Variants in CUX2 observed in about 807,000 individuals in gnomAD.
CUX2 encodes the protein cut like homeobox 2.
In CUX2, 40 loss-of-function variants were observed where a neutral mutation model predicts 144.8. The observed-to-expected ratio is 0.28, with a 90% CI of 0.21 to 0.36. The LOEUF is 0.36. Ranked by LOEUF, CUX2 falls within the 10% of genes least tolerant of loss-of-function variation. The pLI, the probability that CUX2 is intolerant of heterozygous loss-of-function variation, is 1.00. For missense variants in CUX2, 1,615 were observed against 1,994.0 expected, an observed-to-expected ratio of 0.81 and a Z score of 3.62; for synonymous variants, 827 against 875.6, an observed-to-expected ratio of 0.94 and a Z score of 0.98.
chr12:111,070,721 G>A (rs1871225180), intron 1 of CUX2, among the ~76,000 whole-genome samples: 1 of 152,014 alleles, frequency 6.6e-6, no homozygotes, highest in East Asian at 1.9e-4. Flanking sequence ...TCATACCTAG[G>A]ATTTTTGCTG....
At chr12:111,126,158 G>A (rs1875065557) in intron 1 of CUX2, among the ~76,000 whole-genome samples, 1 of 151,458 alleles carries the variant, frequency 6.6e-6, no homozygotes, top group Non-Finnish European at 1.5e-5. Context: ...GCCCAGGCTG[G>A]AGTGCGGGGA....
intron 3 of CUX2, among the ~76,000 whole-genome samples, chr12:111,261,703 C>G (rs1884136381): frequency 6.6e-6 from 1 of 152,056 alleles, no homozygotes; most frequent in Non-Finnish European, 1.5e-5. Context: ...GAGTTCGAGA[C>G]CAGCCTGGCC....
At chr12:111,147,599 A>G (rs993487286) in intron 1 of CUX2, among the ~76,000 whole-genome samples, 6 of 152,154 alleles carry the variant, frequency 3.9e-5, no homozygotes, top group East Asian at 1.9e-4. Flanking sequence ...GGGCCCCCAG[A>G]TTGCTCGATT....
chr12:111,241,079 A>G lies in CUX2; in HGVS notation c.223-22682A>G, dbSNP rs1285971315. Among the ~76,000 whole-genome samples, 4 of 152,128 alleles carry G rather than the reference A, an allele frequency of 2.6e-5. No homozygotes were observed. In the East Asian group the frequency reaches 7.7e-4, roughly 29 times the overall value. ...CTTGGCTCACCGTTCTGATGGCTGC[A>G]AAGTTCAAGTTTGGGAAGCCGCATC... On this transcript the variant is annotated intron_variant, in intron 3 of 21. Coordinates refer to ENST00000261726, the MANE Select transcript of CUX2 (RefSeq NM_015267.4).
chr12:111,301,172 A>C (rs1886274717), intron 9 of CUX2, among the ~76,000 whole-genome samples: 1 of 152,224 alleles, frequency 6.6e-6, no homozygotes, highest in African/African-American at 2.4e-5. Context: ...TCAGTGTATT[A>C]GGTTTTTAAT....
chr12:111,292,008 A>G (rs897853227), intron 5 of CUX2, among the ~76,000 whole-genome samples: 7 of 152,078 alleles, frequency 4.6e-5, no homozygotes, highest in Non-Finnish European at 2.9e-5. Flanking sequence ...GGCGCCCTCC[A>G]CAGTAGGGAG....
In CUX2 at chr12:111,034,182, C is replaced by T; in HGVS notation, c.5C>T (p.Ala2Val). Residue 2 changes from alanine to valine, a missense_variant, in exon 1 of 22, where the codon GCC becomes GTC. Ala to Val is a moderately conservative substitution (Grantham distance 64). Coordinates refer to ENST00000261726, the MANE Select transcript of CUX2 (RefSeq NM_015267.4). This position sits in a 1 kb window ranked among gnomAD's most constrained non-coding sequence, Gnocchi z 4.2. ...CGCGTCTCGATAGCCCCCAAGATGG[C>T]CGCCAATGTGGGATCGATGTTTCAA... M[A>V]ANVGSMFQYW... The T allele has an allele frequency of 2.1e-6, 3 of 1,401,048 alleles. No homozygotes were observed. Among genetic ancestry groups the T allele is most frequent in the East Asian group, 3.9e-5 (1 of 25,508 alleles). 86.8% of individuals were successfully genotyped at this position (1,401,048 alleles called of 1,614,324 possible). A position where few individuals can be genotyped will look rare whatever the true frequency, so the allele number is the denominator to read the frequency against.
chr12:111,077,405 A>C lies in CUX2; in HGVS notation c.63+43165A>C, dbSNP rs1299764551. 6.6e-6 allele frequency among the ~76,000 whole-genome samples: 1 copy of C among 151,742 alleles called. No individual in the cohort carries two copies. Among genetic ancestry groups the C allele is most frequent in the East Asian group, 1.9e-4 (1 of 5,140 alleles). ...TGGCGCGGCCATGCCATCGACCTGA[A>C]CCCCCTGGACTTCTGCCCCCCTGGA... On this transcript the variant is annotated intron_variant, in intron 1 of 21. Transcript: ENST00000261726. This position sits in a 1 kb window ranked among gnomAD's most constrained non-coding sequence, Gnocchi z 4.1.
chr12:111,168,179 G>A (rs1461233845), intron 1 of CUX2, among the ~76,000 whole-genome samples: 2 of 152,120 alleles, frequency 1.3e-5, no homozygotes, highest in Non-Finnish European at 2.9e-5. Flanking sequence ...CCCATTTCCT[G>A]AGGCCTCATC....
chr12:111,099,319 A>C, intron 1 of CUX2: 1 of 339,820 alleles, frequency 2.9e-6, no homozygotes, highest in South Asian at 2.4e-5. Flanking sequence ...AGGGTGTGGC[A>C]AGAGCTGAGG....
intron 1 of CUX2, among the ~76,000 whole-genome samples, chr12:111,199,697 G>A (rs941583719): frequency 2.0e-5 from 3 of 152,100 alleles, no homozygotes; most frequent in African/African-American, 7.2e-5. Flanking sequence ...GTGCATCTGT[G>A]TATGTGTGTG....
In CUX2 at chr12:111,334,463, C is replaced by T; in HGVS notation, c.2949C>T (p.Ser983=). 6.2e-7 allele frequency: 1 copy of T among 1,605,742 alleles called. No homozygotes were observed. The highest frequency in any genetic ancestry group is 8.5e-7 in the Non-Finnish European group (1 of 1,175,638). Residue 983 remains serine (S), a synonymous_variant, in exon 19 of 22, where the codon TCC becomes TCT. Coordinates refer to ENST00000261726, the MANE Select transcript of CUX2 (RefSeq NM_015267.4). ...CAGCCAGTCCCACAGAACCAAGGTC[C>T]TCACCATCCCCACCCCCCAGCCCCA... is the stretch of plus-strand genomic sequence containing the variant. The part of the protein sequence containing the change: ...ASQASPTEPR[S]SPSPPPSPTE...
At chr12:111,143,134 C>T (rs1370234379) in intron 1 of CUX2, among the ~76,000 whole-genome samples, 1 of 152,190 alleles carries the variant, frequency 6.6e-6, no homozygotes, top group Non-Finnish European at 1.5e-5. Context: ...AGACTTGACA[C>T]ATCCTGTCTG....
At chr12:111,184,083 G>T (rs1273738799) in intron 1 of CUX2, among the ~76,000 whole-genome samples, 2 of 152,192 alleles carry the variant, frequency 1.3e-5, no homozygotes, top group Non-Finnish European at 2.9e-5. Context: ...CCCTTGCGGG[G>T]TTGATGGGAG....
chr12:111,183,770 T>A (rs1879341687), intron 1 of CUX2, among the ~76,000 whole-genome samples: 1 of 152,184 alleles, frequency 6.6e-6, no homozygotes, highest in Non-Finnish European at 1.5e-5. Context: ...GCGTTCTGTT[T>A]GGTGGCAGTA....
chr12:111,296,622 C>G, intron 8 of CUX2, 83 bp downstream of exon 8: 28 of 1,314,300 alleles, frequency 2.1e-5, no homozygotes, highest in Non-Finnish European at 2.9e-5. Context: ...CAGTACTTGC[C>G]TCCTCCCTCT....
At position 111,287,953 on chromosome 12, in the gene CUX2, A is replaced by C. The variant is rs1885477942; in HGVS notation, c.302-3465A>C. 6.6e-6 allele frequency among the ~76,000 whole-genome samples: 1 copy of C among 152,226 alleles called. No individual in the cohort carries two copies. Among genetic ancestry groups the C allele is most frequent in the South Asian group, 2.1e-4 (1 of 4,838 alleles). On this transcript the variant is annotated intron_variant, in intron 4 of 21. Transcript: ENST00000261726. This position sits in a 1 kb window ranked among gnomAD's most constrained non-coding sequence, Gnocchi z 4.2. ...GCAGGGTAGGGGTGGAAGGGAGTGC[A>C]AAAACATGCAGTCTGGCCTTGCCTT... is the stretch of plus-strand genomic sequence containing the variant.
intron 1 of CUX2, among the ~76,000 whole-genome samples, chr12:111,135,038 T>C (rs1483095041): frequency 6.6e-6 from 1 of 152,118 alleles, no homozygotes; most frequent in African/African-American, 2.4e-5. Context: ...ACTAGAAAGA[T>C]TGCTCTGGGG....
chr12:111,271,169 G>C (rs1052631288), intron 4 of CUX2, among the ~76,000 whole-genome samples: 6 of 152,096 alleles, frequency 3.9e-5, no homozygotes, highest in African/African-American at 1.4e-4. Context: ...CAGGCAACAG[G>C]GTTCCTGAGC....
Sources: allele counts gnomAD v4.1 joint callset (sites outside exome capture counted in the v4.1 genomes callset), GRCh38; gene constraint gnomAD v4.1.1; non-coding constraint Gnocchi (gnomAD v3.1); transcripts MANE v1.5; gene names NCBI Gene and HGNC (gene_info 2026-07-23, HGNC 2026-07-21).